Variants in TRPM1 observed in about 807,000 individuals in gnomAD.
TRPM1 encodes the protein transient receptor potential cation channel subfamily M member 1.
Under a neutral mutation model 149.4 loss-of-function variants are expected in TRPM1, and 113 were observed. The observed-to-expected ratio is 0.76, with a 90% CI of 0.65 to 0.88. TRPM1 has a LOEUF of 0.88. Among genes scored for constraint, TRPM1 ranks in the 40% least tolerant of loss-of-function variants. TRPM1 has a pLI of 0.00. For synonymous variants in TRPM1, 741 were observed against 759.5 expected, an observed-to-expected ratio of 0.98 and a Z score of 0.40; for missense variants, 1,976 against 2,038.7, an observed-to-expected ratio of 0.97 and a Z score of 0.59.
At chr15:31,087,231 A>ATTTTTTTTTTTTTTTTTTTTTTT (rs58872566) in intron 1 of TRPM1, among the ~76,000 whole-genome samples, 1 of 59,402 alleles carries the variant, frequency 1.7e-5, no homozygotes, top group African/African-American at 7.1e-5. Context: ...CTCAATAGGG[A>ATTTTTTTTTTTTTTTTTTTTTTT]TTTTTTTTTT....
Position 31,035,714 on chromosome 15 carries a change from C to A in TRPM1, c.2572-40G>T, listed in dbSNP as rs1386902617. On this transcript the variant is annotated intron_variant, in intron 20 of 27. Transcript: ENST00000256552. ...AGCTGTTAGCCGTGTTTGGGGGAAT[C>A]ACATAGCAATCAAATTTTGAAACGC... The A allele has an allele frequency of 1.9e-6, 3 of 1,613,906 alleles. No individual in the cohort carries two copies. The Admixed American group carries it at 5.0e-5, about 27-fold the overall frequency.
At chr15:31,027,467 T>C (rs1398683585) in intron 25 of TRPM1, among the ~76,000 whole-genome samples, 1 of 152,240 alleles carries the variant, frequency 6.6e-6, no homozygotes, top group Non-Finnish European at 1.5e-5. Flanking sequence ...TTCAATTCTG[T>C]CTAACAAGTA....
At chr15:31,067,293 C>A in intron 5 of TRPM1, 106 bp from the exon 6 acceptor site, 1 of 1,511,198 alleles carries the variant, frequency 6.6e-7, no homozygotes, top group Non-Finnish European at 9.2e-7. Context: ...CCCTACAGAT[C>A]AGGGGTGAGA....
At chr15:31,027,980 CAT>C (rs1320334312) in intron 25 of TRPM1, among the ~76,000 whole-genome samples, 1 of 152,138 alleles carries the variant, frequency 6.6e-6, no homozygotes, top group Non-Finnish European at 1.5e-5. Context: ...TTATGAAACT[CAT>C]ATTGCCTTTT....
At chr15:31,035,178 A>G (rs1031013706) in intron 21 of TRPM1, among the ~76,000 whole-genome samples, 1 of 152,128 alleles carries the variant, frequency 6.6e-6, no homozygotes, top group African/African-American at 2.4e-5. Flanking sequence ...TAATTTTTGT[A>G]TTTTTAGTTG....
intron 1 of TRPM1, among the ~76,000 whole-genome samples, chr15:31,086,255 C>T (rs371549943): frequency 1.3e-4 from 20 of 152,276 alleles, no homozygotes; most frequent in African/African-American, 3.4e-4. Flanking sequence ...AGAGGGGGAG[C>T]GGCAAGGTTG....
At chr15:31,104,624 T>C (rs554692977), upstream of TRPM1, among the ~76,000 whole-genome samples, 119 of 144,584 alleles carry the variant, frequency 8.2e-4, no homozygotes, top group Middle Eastern at 3.6e-3. Flanking sequence ...GACGGAGTCT[T>C]GCTCTGTTGC....
upstream of TRPM1, among the ~76,000 whole-genome samples, chr15:31,106,442 A>C (rs1442504351): frequency 6.6e-6 from 1 of 152,180 alleles, no homozygotes; most frequent in African/African-American, 2.4e-5. Flanking sequence ...GGCCGCCACA[A>C]GTAAACTTAA....
intron 1 of TRPM1, among the ~76,000 whole-genome samples, chr15:31,145,404 G>A (rs1459153574): frequency 6.6e-6 from 1 of 152,126 alleles, no homozygotes; most frequent in Middle Eastern, 3.2e-3. Flanking sequence ...GGATAATGCT[G>A]CAGTTAGAAT....
At chr15:31,080,649 GACCCCGCCCCCTC>G (rs1188991370) in intron 2 of TRPM1, among the ~76,000 whole-genome samples, 2 of 26,482 alleles carry the variant, frequency 7.6e-5, no homozygotes, top group African/African-American at 1.7e-4. Context: ...CATCGTCCTC[GACCCCGCCCCCTC>G]ACCCCGCCCC....
At chr15:31,095,607 C>T (rs184199901) in intron 1 of TRPM1, among the ~76,000 whole-genome samples, 16 of 152,098 alleles carry the variant, frequency 1.1e-4, no homozygotes, top group African/African-American at 3.4e-4. Context: ...ATAGCTTGAA[C>T]CCAGGAGGCA....
intron 6 of TRPM1, 30 bp from the exon 7 acceptor site, chr15:31,066,277 T>C: frequency 1.2e-6 from 2 of 1,613,912 alleles, no homozygotes; most frequent in South Asian, 1.1e-5. Context: ...AAATCAGACC[T>C]GCAGGACTTG....
chr15:31,151,067 C>A lies in TRPM1; in HGVS notation c.54+9839G>T, dbSNP rs535512045. Among the ~76,000 whole-genome samples the A allele has an allele frequency of 7.2e-5, 11 of 152,278 alleles. 1 individual carries two copies. The highest frequency in any genetic ancestry group is 2.6e-4 in the African/African-American group (11 of 41,560). ...TCAACTGCAAAAACAGCAACCCATT[C>A]GGCCCCCTCTCTGTGGCTGAGAGCT... On this transcript the variant is annotated intron_variant, in intron 1 of 26. Transcript: ENST00000542188.
chr15:31,034,302 T>C (rs2033242017), intron 21 of TRPM1, among the ~76,000 whole-genome samples: 1 of 152,222 alleles, frequency 6.6e-6, no homozygotes, highest in African/African-American at 2.4e-5. Flanking sequence ...TCTGTTCTTT[T>C]GCAATACTGA....
At chr15:31,056,293 T>C (rs567483959) in intron 11 of TRPM1, among the ~76,000 whole-genome samples, 1 of 152,294 alleles carries the variant, frequency 6.6e-6, no homozygotes, top group East Asian at 1.9e-4. Context: ...CTGATTCAGG[T>C]CTTCAGCATA....
chr15:31,137,278 G>T (rs967639050), intron 1 of TRPM1, among the ~76,000 whole-genome samples: 3 of 152,094 alleles, frequency 2.0e-5, no homozygotes, highest in African/African-American at 4.8e-5. Flanking sequence ...AGTCATCGTG[G>T]CTCTGAGATA....
At chr15:31,089,894 C>T (rs1162896255) in intron 1 of TRPM1, among the ~76,000 whole-genome samples, 3 of 152,176 alleles carry the variant, frequency 2.0e-5, no homozygotes, top group African/African-American at 7.2e-5. Flanking sequence ...CTGATGTCAC[C>T]TGGGGCAGAG....
chr15:31,042,911 C>A (rs138877719), intron 16 of TRPM1, among the ~76,000 whole-genome samples: 195 of 152,324 alleles, frequency 1.3e-3, no homozygotes, highest in African/African-American at 4.6e-3. Context: ...ATATGTGGGT[C>A]TCAGACTACT....
At chr15:31,128,694 C>A (rs2035981787) in intron 1 of TRPM1, among the ~76,000 whole-genome samples, 1 of 152,248 alleles carries the variant, frequency 6.6e-6, no homozygotes, top group Non-Finnish European at 1.5e-5. Flanking sequence ...CCCCATACCA[C>A]TCCAGACAGG....
Sources: gnomAD v4.1 joint callset for allele counts (sites outside exome capture counted in the v4.1 genomes callset) on GRCh38, gnomAD v4.1.1 for gene constraint, MANE v1.5 for transcripts, NCBI Gene and HGNC (gene_info 2026-07-23, HGNC 2026-07-21) for gene names.